The following C3orf62 variants were observed in gnomAD, a reference collection of about 807,000 sequenced individuals.
C3orf62 encodes the protein chromosome 3 open reading frame 62, also known as uncharacterized protein C3orf62.
A neutral mutation model predicts 21.7 loss-of-function variants in C3orf62; 16 were observed. The ratio of observed to expected loss-of-function variants is 0.74; its 90% confidence interval spans 0.50 to 1.12. The LOEUF (loss-of-function observed/expected upper bound fraction) is 1.12, where lower values mean the gene tolerates loss of function less well. Among genes scored for constraint, C3orf62 ranks in the 50% most tolerant of loss-of-function variants. The probability of loss-of-function intolerance (pLI) is 0.00; values close to 1 mark genes in which losing one functional copy is unlikely to be tolerated. For missense variants in C3orf62, 310 were observed against 318.8 expected, an observed-to-expected ratio of 0.97 and a Z score of 0.21; for synonymous variants, 114 against 117.0, an observed-to-expected ratio of 0.97 and a Z score of 0.17.
intron 2 of C3orf62, among the ~76,000 whole-genome samples, chr3:49,272,532 A>ATTTT (rs1186511009): frequency 4.3e-5 from 3 of 69,124 alleles, no homozygotes; most frequent in African/African-American, 1.1e-4. Flanking sequence ...TTTTCTCCTA[A>ATTTT]TCTTTTTTTT....
intron 1 of C3orf62, among the ~76,000 whole-genome samples, chr3:49,275,693 G>A (rs1000222645): frequency 1.8e-4 from 28 of 151,460 alleles, no homozygotes; most frequent in Non-Finnish European, 1.0e-4. Context: ...ACCACGCCCG[G>A]CTAATTTTTT....
intron 2 of C3orf62, 24 bp downstream of exon 2, chr3:49,274,025 G>C: frequency 6.4e-7 from 1 of 1,553,178 alleles, no homozygotes; most frequent in Non-Finnish European, 8.9e-7. Flanking sequence ...CCAAGGACAG[G>C]ATGGACTTGC....
Position 49,269,261 on chromosome 3 carries a change from A to T in C3orf62, c.*1919T>A, listed in dbSNP as rs1013267877. 1 of 152,102 alleles carries T rather than the reference A, an allele frequency of 6.6e-6. No homozygotes were observed. The highest frequency in any genetic ancestry group is 2.4e-5 in the African/African-American group (1 of 41,408). The allele number at this position is 152,102 out of a possible 1,614,324, so 9.4% of individuals were successfully genotyped here. A position where few individuals can be genotyped will look rare whatever the true frequency, so the allele number is the denominator to read the frequency against. On this transcript the variant is annotated 3_prime_UTR_variant, in exon 3 of 3. Transcript: ENST00000343010. The stretch of plus-strand genomic sequence containing the variant: ...GTGTCTGCCAGGCTTCCCCACTATA[A>T]GTTTGTGACTTTTCCCTTTCCCTAC...
At position 49,274,126 on chromosome 3, in the gene C3orf62, C is replaced by T; in HGVS notation, c.461G>A (p.Arg154Lys). 6.2e-7 allele frequency: 1 copy of T among 1,613,858 alleles called. No individual in the cohort carries two copies. The highest frequency in any genetic ancestry group is 2.2e-5 in the East Asian group (1 of 44,886). The part of the protein sequence containing the change: ...RKENLRKDME[R>K]DLKADSNMPL... ...CATGTTTGAGTCAGCCTTCAAATCT[C>T]TCTCCATATCTTTCCTGCAGCCCCC... The change falls in exon 2 of 3, where the codon AGA becomes AAA. Residue 154 changes from arginine (R) to lysine (K), a missense_variant. Arg to Lys is a conservative substitution (Grantham distance 26, BLOSUM62 2). Coordinates refer to ENST00000343010, the MANE Select transcript of C3orf62 (RefSeq NM_198562.3).
intron 1 of C3orf62, among the ~76,000 whole-genome samples, chr3:49,275,519 GTTTTTTTTT>G (rs59375945): frequency 3.6e-4 from 25 of 69,298 alleles, no homozygotes; most frequent in Admixed American, 1.4e-3. Context: ...GAACTTTGAA[GTTTTTTTTT>G]TTTTTTTTTT....
intron 2 of C3orf62, among the ~76,000 whole-genome samples, chr3:49,273,807 C>T (rs1191266085): frequency 6.6e-6 from 1 of 152,062 alleles, no homozygotes; most frequent in African/African-American, 2.4e-5. Context: ...CGGCGTGCAC[C>T]ACCACGCCTG....
Sources: gnomAD v4.1 joint callset for allele counts (sites outside exome capture counted in the v4.1 genomes callset) on GRCh38, gnomAD v4.1.1 for gene constraint, MANE v1.5 for transcripts, NCBI Gene and HGNC (gene_info 2026-07-23, HGNC 2026-07-21) for gene names.